The following CLN6 variants were observed in gnomAD, a reference collection of about 807,000 sequenced individuals.
CLN6 encodes ceroid-lipofuscinosis neuronal protein 6.
A neutral mutation model predicts 33.3 loss-of-function variants in CLN6; 22 were observed. The observed-to-expected ratio is 0.66, with a 90% CI of 0.47 to 0.94. CLN6 has a LOEUF of 0.94. CLN6 is among the 40% of genes least tolerant of loss of function. The pLI is 0.00. For synonymous variants in CLN6, 201 were observed against 174.6 expected, an observed-to-expected ratio of 1.15 and a Z score of -1.19; for missense variants, 387 against 417.1, an observed-to-expected ratio of 0.93 and a Z score of 0.63.
chr15:68,214,445 G>T, intron 2 of CLN6, 57 bp from the exon 3 acceptor site: 1 of 1,333,842 alleles, frequency 7.5e-7, no homozygotes, highest in Non-Finnish European at 1.1e-6. Context: ...CGGCCCTCGG[G>T]CCTCAAGGGA....
At position 68,211,827 on chromosome 15, in the gene CLN6, T is replaced by A; in HGVS notation, c.334A>T (p.Ile112Phe). The A allele has an allele frequency of 4.3e-6, 7 of 1,613,832 alleles. No individual in the cohort carries two copies. The highest frequency in any genetic ancestry group is 5.9e-6 in the Non-Finnish European group (7 of 1,180,014). ...ERSPRTLPRS[I>F]TYVSIIIFIM... Reference sequence around the variant, plus strand: ...AAGATGATGATGCTCACGTACGTGATGGAGCGTGGCAGGGTGCGGGGGGAC... The same window carrying A: ...AAGATGATGATGCTCACGTACGTGAAGGAGCGTGGCAGGGTGCGGGGGGAC... Residue 112 changes from isoleucine to phenylalanine, a missense_variant, in exon 4 of 7, where the codon ATC becomes TTC. Physicochemically the swap from Ile to Phe is conservative, Grantham distance 21. Coordinates refer to ENST00000249806, the MANE Select transcript of CLN6 (RefSeq NM_017882.3). This position sits in a 1 kb window ranked among gnomAD's most constrained non-coding sequence, Gnocchi z 5.9.
In CLN6 at chr15:68,220,887, G is replaced by C. The variant is rs896125858; in HGVS notation, c.84-2237C>G. On this transcript the variant is annotated intron_variant, in intron 1 of 6. Transcript: ENST00000249806. The surrounding 1 kb of genome is among the most constrained non-coding windows in gnomAD (Gnocchi z 4.2). ...GTCACCTAGGCTGGAGTACAGTGGT[G>C]TGATCACAGCTCACTGCAGCCTTGG... 6.6e-6 allele frequency among the ~76,000 whole-genome samples: 1 copy of C among 152,140 alleles called. No homozygotes were observed.
Position 68,211,474 on chromosome 15 carries a change from G to T in CLN6, c.487-156C>A. ...CCGGGGCCTCGCCTTCTGTTACAGG[G>T]GCCCAGGTGGGAGGCAGTCTGTGCA... is the stretch of plus-strand genomic sequence containing the variant. On this transcript the variant is annotated intron_variant, in intron 4 of 6. Transcript: ENST00000249806. This position sits in a 1 kb window ranked among gnomAD's most constrained non-coding sequence, Gnocchi z 5.9. The T allele has an allele frequency of 6.5e-7, 1 of 1,543,112 alleles. No homozygotes were observed.
At chr15:68,222,553 A>G (rs1367221581) in intron 1 of CLN6, among the ~76,000 whole-genome samples, 34 of 124,422 alleles carry the variant, frequency 2.7e-4, no homozygotes, top group Admixed American at 4.8e-4. Flanking sequence ...GCCTCTGCCC[A>G]GCCGCCCCGT....
At chr15:68,245,032 C>CAAAAAAA (rs34008952) in intron 1 of CLN6, among the ~76,000 whole-genome samples, 11 of 100,946 alleles carry the variant, frequency 1.1e-4, no homozygotes, top group South Asian at 7.7e-4. Context: ...AAGACTCTGA[C>CAAAAAAA]AAAAAAAAAA....
At chr15:68,221,940 C>T (rs539872443) in intron 1 of CLN6, among the ~76,000 whole-genome samples, 192 of 147,218 alleles carry the variant, frequency 1.3e-3, no homozygotes, top group Non-Finnish European at 2.0e-3. Context: ...TGAGGAGCGC[C>T]TCTGCCCAGC....
In CLN6 at chr15:68,218,658, G is replaced by A. The variant is rs756782429; in HGVS notation, c.84-8C>T. On this transcript the variant is annotated splice_polypyrimidine_tract_variant and splice_region_variant and intron_variant, in intron 1 of 6. Coordinates refer to ENST00000249806, the MANE Select transcript of CLN6 (RefSeq NM_017882.3). Reference sequence around the variant, plus strand: ...GCGCTCACAGAGCCATGCCTGGGAAGGAACCAGACGAGAGAAGTCAGCTCT... The same window carrying A: ...GCGCTCACAGAGCCATGCCTGGGAAAGAACCAGACGAGAGAAGTCAGCTCT... The A allele has an allele frequency of 3.1e-6, 5 of 1,608,186 alleles. No individual in the cohort carries two copies. In the Admixed American group the frequency reaches 6.7e-5, roughly 21 times the overall value.
intron 2 of CLN6, among the ~76,000 whole-genome samples, chr15:68,217,071 A>G (rs1471638803): frequency 6.6e-6 from 1 of 152,254 alleles, no homozygotes; most frequent in African/African-American, 2.4e-5. Context: ...CTTAGAACAG[A>G]GTAAACATTC....
intron 1 of CLN6, among the ~76,000 whole-genome samples, chr15:68,254,274 G>C (rs1169729188): frequency 6.6e-6 from 1 of 152,138 alleles, no homozygotes; most frequent in African/African-American, 2.4e-5. Context: ...ATACGAAAGG[G>C]GCATAGGGAG....
intron 1 of CLN6, among the ~76,000 whole-genome samples, chr15:68,240,041 T>G (rs1450769179): frequency 2.6e-5 from 4 of 152,078 alleles, no homozygotes; most frequent in Admixed American, 6.5e-5. Flanking sequence ...ATAAAAGAAA[T>G]AAAAAGTTGA....
intron 1 of CLN6, among the ~76,000 whole-genome samples, chr15:68,240,760 G>T (rs1295759423): frequency 6.6e-6 from 1 of 151,824 alleles, no homozygotes; most frequent in Non-Finnish European, 1.5e-5. Flanking sequence ...GAGAGAGGCG[G>T]ATCACTTGAG....
rs939838706 is a variant in CLN6, at chr15:68,219,480, C to A, written c.84-830G>T. ...CAGCAGGAAGTGGAGTACTGCCTCA[C>A]GATACATCTTTGGAGGCCTGTCCCT... On this transcript the variant is annotated intron_variant, in intron 1 of 6. Transcript: ENST00000249806. The surrounding 1 kb of genome is among the most constrained non-coding windows in gnomAD (Gnocchi z 4.2). Among the ~76,000 whole-genome samples the A allele has an allele frequency of 6.6e-6, 1 of 152,158 alleles. No homozygotes were observed. The highest frequency in any genetic ancestry group is 2.1e-4 in the South Asian group (1 of 4,824).
rs1477760328 is a variant in CLN6, at chr15:68,234,899, C to G, written c.180-16249G>C. Among the ~76,000 whole-genome samples, 1 of 152,122 alleles carries G rather than the reference C, an allele frequency of 6.6e-6. No homozygotes were observed. The highest frequency in any genetic ancestry group is 2.4e-5 in the African/African-American group (1 of 41,412). ...GGGCATGGTGGCAGGTGCCTGTAAT[C>G]CCAGCTACTCGGGAGGCTGAGGCAG... On this transcript the variant is annotated intron_variant, in intron 1 of 6. Coordinates refer to the CLN6 transcript ENST00000538696. This position sits in a 1 kb window ranked among gnomAD's most constrained non-coding sequence, Gnocchi z 4.1.
At position 68,229,717 on chromosome 15, in the gene CLN6, C is replaced by T. The variant is rs1010647935; in HGVS notation, c.-133G>A. 6.3e-5 allele frequency: 36 copies of T among 573,050 alleles called. No individual in the cohort carries two copies. The African/African-American group carries it at 6.8e-4, about 11-fold the overall frequency. The allele number at this position is 573,050 out of a possible 1,614,324, so 35.5% of individuals were successfully genotyped here. A position where few individuals can be genotyped will look rare whatever the true frequency, so the allele number is the denominator to read the frequency against. On this transcript the variant is annotated 5_prime_UTR_variant, in exon 1 of 7. Transcript: ENST00000249806. ...CGGGCCGGCGAGAGCGCGCGGCCCT[C>T]GGGAGGAACAGGCGGGGCTGCGGAC...
intron 1 of CLN6, among the ~76,000 whole-genome samples, chr15:68,253,731 C>A (rs1892403312): frequency 6.6e-6 from 1 of 152,190 alleles, no homozygotes; most frequent in Admixed American, 6.5e-5. Context: ...ACACAAATGT[C>A]GGCAGATACT....
At chr15:68,239,834 T>C (rs938260610) in intron 1 of CLN6, among the ~76,000 whole-genome samples, 7 of 152,166 alleles carry the variant, frequency 4.6e-5, no homozygotes, top group African/African-American at 1.7e-4. Context: ...AAATTGACCA[T>C]ATAAAAGGCC....
In CLN6 at chr15:68,236,931, G is replaced by C. The variant is rs1390011866; in HGVS notation, c.180-18281C>G. 6.6e-6 allele frequency among the ~76,000 whole-genome samples: 1 copy of C among 151,084 alleles called. No homozygotes were observed. The highest frequency in any genetic ancestry group is 1.5e-5 in the Non-Finnish European group (1 of 67,756). ...CCAGCACTTTGGGAGGCCGAGGCGG[G>C]TGGATCATGAGGTCAGGAGATCGAG... On this transcript the variant is annotated intron_variant, in intron 1 of 6. Transcript: ENST00000538696. This position sits in a 1 kb window ranked among gnomAD's most constrained non-coding sequence, Gnocchi z 4.5.
chr15:68,249,083 TCAC>T (rs1892353447), intron 1 of CLN6, among the ~76,000 whole-genome samples: 1 of 152,186 alleles, frequency 6.6e-6, no homozygotes, highest in Non-Finnish European at 1.5e-5. Context: ...ATGCTCAACA[TCAC>T]TAATCATCAG....
Position 68,209,785 on chromosome 15 carries a change from G to C in CLN6, c.543-26C>G, listed in dbSNP as rs1239012451. 1.2e-6 allele frequency: 2 copies of C among 1,611,772 alleles called. No individual in the cohort carries two copies. Among genetic ancestry groups the C allele is most frequent in the South Asian group, 2.2e-5 (2 of 90,860 alleles). On this transcript the variant is annotated intron_variant, in intron 5 of 6. Coordinates refer to ENST00000249806, the MANE Select transcript of CLN6 (RefSeq NM_017882.3). The surrounding 1 kb of genome is among the most constrained non-coding windows in gnomAD (Gnocchi z 4.9). ...CTGTGACAGGAAGGCCAGTGTCTTA[G>C]AGGCCTGCTCAGCGGCCCTCTTCCC...
Sources: gnomAD v4.1 joint callset for allele counts (sites outside exome capture counted in the v4.1 genomes callset) on GRCh38, gnomAD v4.1.1 for gene constraint, Gnocchi (gnomAD v3.1) non-coding constraint, MANE v1.5 for transcripts, NCBI Gene and HGNC (gene_info 2026-07-23, HGNC 2026-07-21) for gene names.